The following QTMAN variants were observed in gnomAD, a reference collection of about 807,000 sequenced individuals.
QTMAN encodes tRNA-queuosine alpha-mannosyltransferase.
At chr2:144,093,921 G>A in the QTMAN span, among the ~76,000 whole-genome samples, 1 of 152,180 alleles carries the variant, frequency 6.6e-6, no homozygotes, top group Non-Finnish European at 1.5e-5. Context: ...ATTTTAGAAT[G>A]CAATGTAATT....
the QTMAN span, among the ~76,000 whole-genome samples, chr2:144,032,703 A>G: frequency 1.3e-5 from 2 of 152,246 alleles, no homozygotes; most frequent in Non-Finnish European, 2.9e-5. Context: ...TGAGGACACC[A>G]TCTGGAAGTG....
the QTMAN span, among the ~76,000 whole-genome samples, chr2:144,329,602 C>T: frequency 6.6e-6 from 1 of 152,178 alleles, no homozygotes; most frequent in Admixed American, 6.5e-5. Context: ...CTAAGGTGTT[C>T]TATTACTAAA....
the QTMAN span, among the ~76,000 whole-genome samples, chr2:144,292,852 C>T: frequency 2.6e-5 from 4 of 152,046 alleles, no homozygotes; most frequent in Non-Finnish European, 4.4e-5. Flanking sequence ...AAAGGATAAA[C>T]CTTGTCACTT....
chr2:144,322,320 C>T, the QTMAN span, among the ~76,000 whole-genome samples: 11 of 151,812 alleles, frequency 7.2e-5, no homozygotes, highest in Non-Finnish European at 1.2e-4. Flanking sequence ...CAACATTCAC[C>T]GTATTAGAAA....
the QTMAN span, among the ~76,000 whole-genome samples, chr2:144,138,321 A>G: frequency 3.9e-4 from 59 of 152,204 alleles, no homozygotes; most frequent in African/African-American, 1.3e-3. Flanking sequence ...AACAGGAGGA[A>G]GGAACTTAGA....
chr2:143,947,985 G>A, the QTMAN span, among the ~76,000 whole-genome samples: 1 of 152,068 alleles, frequency 6.6e-6, no homozygotes, highest in Non-Finnish European at 1.5e-5. Context: ...AATTGTGCTG[G>A]TGCAGTTGAG....
the QTMAN span, among the ~76,000 whole-genome samples, chr2:144,080,179 CCT>C: frequency 6.6e-6 from 1 of 152,046 alleles, no homozygotes; most frequent in African/African-American, 2.4e-5. Context: ...AAATAATTTG[CCT>C]CTTTAACAAT....
chr2:143,996,236 G>A, the QTMAN span, among the ~76,000 whole-genome samples: 1 of 152,252 alleles, frequency 6.6e-6, no homozygotes, highest in East Asian at 1.9e-4. Context: ...TGCATTCTAT[G>A]TCTGTCCAGC....
At chr2:144,194,307 G>C in the QTMAN span, among the ~76,000 whole-genome samples, 1 of 152,170 alleles carries the variant, frequency 6.6e-6, no homozygotes, top group Non-Finnish European at 1.5e-5. Context: ...AGCAGATGAA[G>C]ATACAGAATG....
the QTMAN span, among the ~76,000 whole-genome samples, chr2:144,057,780 C>T: frequency 6.6e-6 from 1 of 152,058 alleles, no homozygotes; most frequent in African/African-American, 2.4e-5. Context: ...AAGAAACTCC[C>T]ACATGGAAAC....
At chr2:144,260,785 G>A in the QTMAN span, among the ~76,000 whole-genome samples, 1 of 150,742 alleles carries the variant, frequency 6.6e-6, no homozygotes, top group Admixed American at 6.6e-5. Context: ...AAACCTGGAA[G>A]AATAAATACA....
the QTMAN span, among the ~76,000 whole-genome samples, chr2:144,149,901 G>A: frequency 6.6e-6 from 1 of 152,066 alleles, no homozygotes; most frequent in African/African-American, 2.4e-5. Context: ...CCTAAGGGCA[G>A]TAGTAGTGTG....
the QTMAN span, among the ~76,000 whole-genome samples, chr2:144,113,651 A>G: frequency 2.0e-5 from 3 of 152,242 alleles, no homozygotes; most frequent in African/African-American, 4.8e-5. Context: ...CCATGCCAAC[A>G]CACATCATAT....
At chr2:144,077,902 GT>G in the QTMAN span, among the ~76,000 whole-genome samples, 1 of 152,164 alleles carries the variant, frequency 6.6e-6, no homozygotes, top group African/African-American at 2.4e-5. Flanking sequence ...TATGCTTATT[GT>G]TTTACGTATC....
the QTMAN span, among the ~76,000 whole-genome samples, chr2:143,993,434 A>G: frequency 7.2e-5 from 11 of 151,818 alleles, 1 homozygote; most frequent in East Asian, 2.1e-3. Context: ...GACTTTGCAG[A>G]TATGATTAAG....
At chr2:144,160,983 C>T in the QTMAN span, among the ~76,000 whole-genome samples, 1 of 152,088 alleles carries the variant, frequency 6.6e-6, no homozygotes, top group African/African-American at 2.4e-5. Context: ...TGAGACAACT[C>T]CACGCAACCC....
the QTMAN span, among the ~76,000 whole-genome samples, chr2:144,109,900 G>A: frequency 1.3e-5 from 2 of 152,306 alleles, no homozygotes; most frequent in Non-Finnish European, 2.9e-5. Context: ...AACTGGTGCT[G>A]GAGAGGATGT....
the QTMAN span, among the ~76,000 whole-genome samples, chr2:144,166,825 T>C: frequency 6.6e-6 from 1 of 152,156 alleles, no homozygotes; most frequent in African/African-American, 2.4e-5. Flanking sequence ...TTCCCACATA[T>C]CTGAACCAAA....
At chr2:144,256,081 A>G in the QTMAN span, among the ~76,000 whole-genome samples, 3 of 152,218 alleles carry the variant, frequency 2.0e-5, no homozygotes, top group Non-Finnish European at 4.4e-5. Context: ...TGGTGTGTGC[A>G]GTTTAATACT....
Sources: allele counts gnomAD v4.1 joint callset (sites outside exome capture counted in the v4.1 genomes callset), GRCh38; gene constraint gnomAD v4.1.1; transcripts MANE v1.5; gene names NCBI Gene and HGNC (gene_info 2026-07-23, HGNC 2026-07-21).